KIF26A: variants seen among roughly 807,000 people sequenced by gnomAD.
KIF26A encodes the protein kinesin-like protein KIF26A.
Under a neutral mutation model 126.0 loss-of-function variants are expected in KIF26A, and 74 were observed. The observed-to-expected ratio is 0.59, with a 90% CI of 0.49 to 0.71. KIF26A has a LOEUF of 0.71. Ranked by LOEUF, KIF26A falls within the 30% of genes least tolerant of loss-of-function variation. The probability of loss-of-function intolerance (pLI) is 0.00; values close to 1 mark genes in which losing one functional copy is unlikely to be tolerated. For missense variants in KIF26A, 2,984 were observed against 2,763.3 expected (o/e 1.08, Z -1.79); for synonymous variants, 1,445 against 1,232.7 (o/e 1.17, Z -3.61).
At chr14:104,154,456 ATC>A (rs1476968436) in intron 3 of KIF26A, among the ~76,000 whole-genome samples, 1 of 152,178 alleles carries the variant, frequency 6.6e-6, no homozygotes, top group East Asian at 1.9e-4. Context: ...AACATCCCAC[ATC>A]TTGAGCATCC....
At position 104,176,272 on chromosome 14, in the gene KIF26A, G is replaced by A. The variant is rs1172875646; in HGVS notation, c.3484G>A (p.Gly1162Arg). The A allele has an allele frequency of 2.4e-5, 39 of 1,594,690 alleles. No individual in the cohort carries two copies. Among genetic ancestry groups the A allele is most frequent in the Non-Finnish European group, 3.0e-5 (35 of 1,170,308 alleles). The change falls in exon 12 of 15, where the codon GGG becomes AGG. Residue 1162 changes from glycine to arginine, a missense_variant. Physicochemically the swap from Gly to Arg is moderately radical, Grantham distance 125. Coordinates refer to ENST00000423312, the MANE Select transcript of KIF26A (RefSeq NM_015656.2). ...SLGDGSSGFL[G>R]PDRPDSPGPT... ...GGGGGATGGAAGCTCTGGGTTCCTGGGGCCAGACAGACCTGACAGTCCTGG... is the reference window on the plus strand; with the variant it reads ...GGGGGATGGAAGCTCTGGGTTCCTGAGGCCAGACAGACCTGACAGTCCTGG...
intron 3 of KIF26A, 37 bp from the exon 4 acceptor site, chr14:104,157,718 C>G: frequency 6.3e-7 from 1 of 1,592,184 alleles, no homozygotes; most frequent in Non-Finnish European, 8.5e-7. Flanking sequence ...TGTCTCTGCC[C>G]TTGCGTTCCT....
At chr14:104,172,212 G>A (rs1395631628) in intron 6 of KIF26A, among the ~76,000 whole-genome samples, 1 of 152,248 alleles carries the variant, frequency 6.6e-6, no homozygotes, top group Non-Finnish European at 1.5e-5. Context: ...CCGAGCAGCT[G>A]TTGGGCTCTG....
chr14:104,140,226 C>T (rs12101081), intron 2 of KIF26A, among the ~76,000 whole-genome samples: 8,988 of 152,134 alleles, frequency 0.059, 905 homozygotes, highest in African/African-American at 0.21. Flanking sequence ...TCCTGGGCAC[C>T]GTCTCCGGGC....
chr14:104,158,656 G>A (rs10150549), intron 4 of KIF26A, among the ~76,000 whole-genome samples: 101,288 of 152,072 alleles, frequency 0.67, 34,204 homozygotes, highest in East Asian at 0.82. Flanking sequence ...CAGAATGCCA[G>A]GCCTGAGGCC....
intron 2 of KIF26A, among the ~76,000 whole-genome samples, chr14:104,149,623 GGCCA>G (rs2037708976): frequency 6.6e-6 from 1 of 152,236 alleles, no homozygotes; most frequent in Non-Finnish European, 1.5e-5. Context: ...CTTGGGTGGG[GGCCA>G]CTTTGGCTTC....
intron 4 of KIF26A, among the ~76,000 whole-genome samples, chr14:104,164,175 C>T (rs537486087): frequency 2.6e-5 from 4 of 152,124 alleles, no homozygotes; most frequent in South Asian, 2.1e-4. Context: ...AGGCCGGGCC[C>T]GGCTCTGGGG....
Position 104,171,884 on chromosome 14 carries a change from A to G in KIF26A, c.1275A>G (p.Ala425=), listed in dbSNP as rs2037961394. ...SAGPRRAATA[A]VPKMFAFDAV... is the part of the protein sequence containing the mutation. ...GCCCCCGGCGAGCCGCCACTGCTGC[A>G]GTTCCCAAGATGTTTGCCTTCGATG... The change falls in exon 6 of 15, where the codon GCA becomes GCG. Residue 425 remains alanine, a synonymous_variant. Coordinates refer to ENST00000423312, the MANE Select transcript of KIF26A (RefSeq NM_015656.2). 1 of 1,559,526 alleles carries G rather than the reference A, an allele frequency of 6.4e-7. No individual in the cohort carries two copies. Among genetic ancestry groups the G allele is most frequent in the South Asian group, 1.2e-5 (1 of 84,426 alleles).
chr14:104,164,252 G>C (rs959483154), intron 4 of KIF26A, among the ~76,000 whole-genome samples: 2 of 151,458 alleles, frequency 1.3e-5, no homozygotes, highest in Admixed American at 6.6e-5. Context: ...CGAGGGCTGT[G>C]GGGGGGGCGT....
intron 5 of KIF26A, among the ~76,000 whole-genome samples, chr14:104,170,229 C>T (rs1022982168): frequency 3.3e-5 from 5 of 152,208 alleles, no homozygotes; most frequent in African/African-American, 9.6e-5. Flanking sequence ...CAAAAATTAC[C>T]GGGAAGTGCA....
In KIF26A at chr14:104,175,165, G is replaced by C. The variant is rs760115911; in HGVS notation, c.2377G>C (p.Val793Leu). 7 of 1,606,214 alleles carry C rather than the reference G, an allele frequency of 4.4e-6. No individual in the cohort carries two copies. In the Admixed American group the frequency reaches 1.2e-4, roughly 27 times the overall value. The change falls in exon 12 of 15, where the codon GTG becomes CTG. Residue 793 changes from valine to leucine, a missense_variant. Coordinates refer to ENST00000423312, the MANE Select transcript of KIF26A (RefSeq NM_015656.2). ...SEQSCDTVIY[V>L]GPGGAALSDR... The stretch of plus-strand genomic sequence containing the variant: ...GCAGTCCTGTGACACGGTCATCTAC[G>C]TGGGGCCCGGTGGGGCGGCGCTGTC...
chr14:104,162,621 C>T (rs2037843704), intron 4 of KIF26A, among the ~76,000 whole-genome samples: 1 of 152,154 alleles, frequency 6.6e-6, no homozygotes, highest in Admixed American at 6.5e-5. Flanking sequence ...TGCCCTATTG[C>T]CCACAGCCTT....
chr14:104,171,794 G>A lies in KIF26A; in HGVS notation c.1185G>A (p.Lys395=). Residue 395 remains lysine, a synonymous_variant, in exon 6 of 15, where the codon AAG becomes AAA. Transcript: ENST00000423312. ...CGGCCGAGGCCATGTCCTTCCTGAA[G>A]GTGGACCCTCGGAAGAAGCAGGTGA... ...QRSAEAMSFL[K]VDPRKKQVIL... 6.4e-7 allele frequency: 1 copy of A among 1,573,692 alleles called. No homozygotes were observed. Among genetic ancestry groups the A allele is most frequent in the Non-Finnish European group, 8.6e-7 (1 of 1,160,548 alleles).
At chr14:104,171,498 C>T (rs779933768) in intron 5 of KIF26A, among the ~76,000 whole-genome samples, 10 of 152,202 alleles carry the variant, frequency 6.6e-5, no homozygotes, top group Non-Finnish European at 1.0e-4. Context: ...ACAGGCTGTG[C>T]ACCGGCCTTG....
At chr14:104,172,742 C>A in intron 7 of KIF26A, 74 bp downstream of exon 7, 1 of 1,250,510 alleles carries the variant, frequency 8.0e-7, no homozygotes, top group Non-Finnish European at 1.1e-6. Context: ...TGGTTGCTGG[C>A]AGCTTCTGAT....
chr14:104,146,126 C>T (rs1427802963), intron 2 of KIF26A, among the ~76,000 whole-genome samples: 11 of 152,202 alleles, frequency 7.2e-5, no homozygotes, highest in Admixed American at 4.6e-4. Flanking sequence ...GTGTCTCAGT[C>T]TCTCTGAGCC....
In KIF26A at chr14:104,156,456, C is replaced by A. The variant is rs145144741; in HGVS notation, c.736-1299C>A. Among the ~76,000 whole-genome samples the A allele has an allele frequency of 4.3e-3, 650 of 152,258 alleles. 11 individuals carry two copies. The highest frequency in any genetic ancestry group is 0.03 in the Admixed American group (460 of 15,298). Reference sequence around the variant, plus strand: ...TGCTACTGGGCATTCCTTCTGGAAGCCCCGGAGGAGTGGCTGGTGCCTAGG... The same window carrying A: ...TGCTACTGGGCATTCCTTCTGGAAGACCCGGAGGAGTGGCTGGTGCCTAGG... On this transcript the variant is annotated intron_variant, in intron 3 of 14. Transcript: ENST00000423312.
chr14:104,157,605 G>A (rs182994203), intron 3 of KIF26A, 150 bp from the exon 4 acceptor site: 120 of 877,024 alleles, frequency 1.4e-4, no homozygotes, highest in East Asian at 6.8e-4. Context: ...GGGCCTTCCC[G>A]GCTTCACAGG....
At chr14:104,154,640 C>G (rs8017542) in intron 3 of KIF26A, among the ~76,000 whole-genome samples, 147,718 of 152,348 alleles carry the variant, frequency 0.97, 71,791 homozygotes, top group Non-Finnish European at 1. Context: ...GGTCATGGGG[C>G]CCACCCCAGT....
Sources: allele counts gnomAD v4.1 joint callset (sites outside exome capture counted in the v4.1 genomes callset), GRCh38; gene constraint gnomAD v4.1.1; transcripts MANE v1.5; gene names NCBI Gene and HGNC (gene_info 2026-07-23, HGNC 2026-07-21).